MANBA: variants seen among roughly 807,000 people sequenced by gnomAD.
The protein encoded by MANBA is beta-mannosidase.
In MANBA, 83 loss-of-function variants were observed where a neutral mutation model predicts 111.1. The observed-to-expected ratio is 0.75, with a 90% confidence interval of 0.63 to 0.90. MANBA has a LOEUF of 0.90. Among genes scored for constraint, MANBA ranks in the 40% least tolerant of loss-of-function variants. The pLI, the probability that MANBA is intolerant of heterozygous loss-of-function variation, is 0.00. For missense variants in MANBA, 1,036 were observed against 1,069.0 expected, an observed-to-expected ratio of 0.97 and a Z score of 0.43; for synonymous variants, 370 against 378.7, an observed-to-expected ratio of 0.98 and a Z score of 0.27.
At chr4:102,728,640 T>G (rs1722903236) in intron 1 of MANBA, 4 of 524,182 alleles carry the variant, frequency 7.6e-6, no homozygotes, top group Non-Finnish European at 1.4e-5. Flanking sequence ...GTGGGTGGGT[T>G]GAGGGCTAGG....
At position 102,683,175 on chromosome 4, in the gene MANBA, AG is replaced by A. The variant is rs769489636; in HGVS notation, c.960+6398del. 3.5e-3 allele frequency among the ~76,000 whole-genome samples: 526 copies of A among 151,540 alleles called. 1 individual carries two copies. The highest frequency in any genetic ancestry group is 0.012 in the African/African-American group (483 of 41,462). ...ACAAAGAACAAAGTGACATTAAAAA[AG>A]AAAAAAAAAAACTGAAAAAGAAAAA... On this transcript the variant is annotated intron_variant, in intron 7 of 16. Transcript: ENST00000647097.
intron 11 of MANBA, 106 bp from the exon 12 acceptor site, chr4:102,658,006 C>T (rs1054068348): frequency 4.7e-6 from 4 of 846,496 alleles, no homozygotes; most frequent in Non-Finnish European, 5.9e-6. Flanking sequence ...TGCCAAGTAG[C>T]TGATAGAAAA....
rs748329126 is a variant in MANBA, at chr4:102,650,550, A to G, written c.1856T>C (p.Ile619Thr). Residue 619 changes from isoleucine to threonine, a missense_variant, in exon 13 of 17, where the codon ATC becomes ACC. Physicochemically the swap from Ile to Thr is moderately conservative, Grantham distance 89. Coordinates refer to ENST00000647097, the MANE Select transcript of MANBA (RefSeq NM_005908.4). ...TDPLRTFKDT[I>T]YLTQVMQAQC... Reference sequence around the variant, plus strand: ...AAAACAACTTACCTGAGTAAGGTAGATGGTATCTTTAAATGTGCGTAATGG... The same window carrying G: ...AAAACAACTTACCTGAGTAAGGTAGGTGGTATCTTTAAATGTGCGTAATGG... The G allele has an allele frequency of 6.2e-7, 1 of 1,612,674 alleles. No individual in the cohort carries two copies. Among genetic ancestry groups the G allele is most frequent in the Non-Finnish European group, 8.5e-7 (1 of 1,178,720 alleles).
chr4:102,759,563 CA>C (rs1285156394), intron 1 of MANBA, among the ~76,000 whole-genome samples: 12 of 95,184 alleles, frequency 1.3e-4, no homozygotes, highest in Admixed American at 2.0e-4. Context: ...ATACACATCT[CA>C]GGAAAAAAAA....
intron 7 of MANBA, among the ~76,000 whole-genome samples, chr4:102,683,036 T>C (rs1732054053): frequency 6.6e-6 from 1 of 152,356 alleles, no homozygotes; most frequent in African/African-American, 2.4e-5. Flanking sequence ...TCTTTGGCTA[T>C]GTACTTTTAA....
intron 5 of MANBA, among the ~76,000 whole-genome samples, chr4:102,709,833 C>G (rs1300205782): frequency 2.0e-5 from 3 of 152,116 alleles, no homozygotes; most frequent in African/African-American, 7.2e-5. Context: ...CAGAATTTAT[C>G]CCAGGGATGC....
intron 14 of MANBA, 108 bp downstream of exon 14, chr4:102,639,605 C>T (rs890066617): frequency 4.8e-6 from 7 of 1,445,290 alleles, no homozygotes; most frequent in Non-Finnish European, 6.7e-6. Flanking sequence ...CTCTTTTGGT[C>T]ATAGTTCTGC....
At chr4:102,731,326 A>C (rs1297321621) in intron 1 of MANBA, among the ~76,000 whole-genome samples, 3 of 152,128 alleles carry the variant, frequency 2.0e-5, no homozygotes, top group African/African-American at 2.4e-5. Context: ...TGTTTGCGCC[A>C]CTATCCCAGC....
At chr4:102,754,002 C>CAAAAAA (rs35420022) in intron 1 of MANBA, 2 of 179,126 alleles carry the variant, frequency 1.1e-5, no homozygotes, top group Non-Finnish European at 2.2e-5. Context: ...GACTCTGTCT[C>CAAAAAA]AAAAAAAAAA....
intron 4 of MANBA, among the ~76,000 whole-genome samples, chr4:102,720,858 G>A (rs563855921): frequency 2.0e-5 from 3 of 152,190 alleles, no homozygotes; most frequent in South Asian, 2.1e-4. Context: ...ACAGGAGGAG[G>A]TATAATTTTA....
chr4:102,690,939 T>C (rs928778707), intron 5 of MANBA, 168 bp from the exon 6 acceptor site: 1 of 215,856 alleles, frequency 4.6e-6, no homozygotes, highest in Non-Finnish European at 8.8e-6. Flanking sequence ...TCTTTTAATC[T>C]TCAGTTTAAT....
At chr4:102,673,773 T>A (rs886809368) in intron 8 of MANBA, 146 bp downstream of exon 8, 17 of 721,304 alleles carry the variant, frequency 2.4e-5, no homozygotes, top group Admixed American at 5.4e-5. Context: ...TAAAATCCTG[T>A]CCATTCTGAA....
chr4:102,725,052 T>C (rs1009566106), intron 2 of MANBA, among the ~76,000 whole-genome samples: 11 of 152,002 alleles, frequency 7.2e-5, no homozygotes, highest in Admixed American at 5.9e-4. Flanking sequence ...GAAAGTAAAT[T>C]AGTGGTTCCT....
Position 102,722,945 on chromosome 4 carries a change from T to C in MANBA, c.475A>G (p.Thr159Ala), listed in dbSNP as rs2110193651. The C allele has an allele frequency of 6.2e-7, 1 of 1,614,126 alleles. No homozygotes were observed. Among genetic ancestry groups the C allele is most frequent in the South Asian group, 1.1e-5 (1 of 91,082 alleles). ...CAGTCTGGGGGAACCTGGTAGCGAGTGTGAGCTTTGCTCTGCTGTGCTGCA... is the reference window on the plus strand; with the variant it reads ...CAGTCTGGGGGAACCTGGTAGCGAGCGTGAGCTTTGCTCTGCTGTGCTGCA... ...LYAAQQSKAH[T>A]RYQVPPDCPP... is the part of the protein sequence containing the mutation. The change falls in exon 4 of 17, where the codon ACT becomes GCT. Residue 159 changes from threonine (T) to alanine (A), a missense_variant. Coordinates refer to ENST00000647097, the MANE Select transcript of MANBA (RefSeq NM_005908.4).
intron 1 of MANBA, among the ~76,000 whole-genome samples, chr4:102,750,329 A>C (rs1282541117): frequency 6.6e-6 from 1 of 152,154 alleles, no homozygotes; most frequent in African/African-American, 2.4e-5. Context: ...TTATTTAAAA[A>C]ACATTTTTTA....
chr4:102,633,519 G>C (rs1295224820), intron 16 of MANBA: 1 of 398,014 alleles, frequency 2.5e-6, no homozygotes, highest in Non-Finnish European at 4.4e-6. Context: ...CATCTCCCTT[G>C]AGAAAAGAAG....
intron 13 of MANBA, among the ~76,000 whole-genome samples, chr4:102,641,388 T>G (rs1729872395): frequency 6.6e-6 from 1 of 152,186 alleles, no homozygotes; most frequent in Non-Finnish European, 1.5e-5. Flanking sequence ...CACAAAAGGC[T>G]TTTGAACTAA....
chr4:102,652,407 C>T (rs1730375984), intron 12 of MANBA, among the ~76,000 whole-genome samples: 2 of 152,212 alleles, frequency 1.3e-5, no homozygotes, highest in South Asian at 4.1e-4. Flanking sequence ...TTGAATCTAT[C>T]CCATAATCAG....
intron 1 of MANBA, chr4:102,751,889 G>T: frequency 1.7e-6 from 1 of 590,166 alleles, no homozygotes; most frequent in South Asian, 1.4e-5. Flanking sequence ...GTGCCTCTAT[G>T]GATCCAACTA....
Sources: gnomAD v4.1 joint callset for allele counts (sites outside exome capture counted in the v4.1 genomes callset) on GRCh38, gnomAD v4.1.1 for gene constraint, MANE v1.5 for transcripts, NCBI Gene and HGNC (gene_info 2026-07-23, HGNC 2026-07-21) for gene names.